ALDH3B1: variants seen among roughly 807,000 people sequenced by gnomAD.
ALDH3B1 encodes the protein aldehyde dehydrogenase 3 family member B1, also known as aldehyde dehydrogenase family 3 member B1.
A neutral mutation model predicts 46.2 loss-of-function variants in ALDH3B1; 37 were observed. The ratio of observed to expected loss-of-function variants is 0.80; its 90% CI spans 0.62 to 1.05. The LOEUF is 1.05. ALDH3B1 is among the 50% of genes least tolerant of loss of function. ALDH3B1 has a pLI of 0.00. For synonymous variants in ALDH3B1, 283 were observed against 281.0 expected, an observed-to-expected ratio of 1.01 and a Z score of -0.07; for missense variants, 603 against 665.5, an observed-to-expected ratio of 0.91 and a Z score of 1.03.
rs769273922 is a variant in ALDH3B1, at chr11:68,019,774, G to A, written c.540G>A (p.Arg180=). 1 of 1,614,142 alleles carries A rather than the reference G, an allele frequency of 6.2e-7. No individual in the cohort carries two copies. The highest frequency in any genetic ancestry group is 1.1e-5 in the South Asian group (1 of 91,086). Residue 180 remains arginine, a synonymous_variant, in exon 6 of 10, where the codon AGG becomes AGA. Coordinates refer to ENST00000342456, the MANE Select transcript of ALDH3B1 (RefSeq NM_000694.4). Reference sequence around the variant, plus strand: ...AGACGGGGCAGCTGCTAGAGCACAGGTTCGACTACATCTTCTTCACAGGTG... The same window carrying A: ...AGACGGGGCAGCTGCTAGAGCACAGATTCGACTACATCTTCTTCACAGGTG... ...PQETGQLLEH[R]FDYIFFTGSP... is the part of the protein sequence containing the mutation.
Position 68,021,489 on chromosome 11 carries a change from C to T in ALDH3B1, c.567C>T (p.Ser189=). 6.2e-7 allele frequency: 1 copy of T among 1,609,178 alleles called. No homozygotes were observed. Among genetic ancestry groups the T allele is most frequent in the Non-Finnish European group, 8.5e-7 (1 of 1,176,980 alleles). The change falls in exon 7 of 10, where the codon AGC becomes AGT. Residue 189 remains serine, a synonymous_variant. Transcript: ENST00000342456. The part of the protein sequence containing the change: ...HRFDYIFFTG[S]PRVGKIVMTA... Reference sequence around the variant, plus strand: ...CTGGTTTCCTTCCATGCCCAGGGAGCCCTCGTGTGGGCAAGATTGTTATGA... The same window carrying T: ...CTGGTTTCCTTCCATGCCCAGGGAGTCCTCGTGTGGGCAAGATTGTTATGA...
At chr11:68,023,613 T>C (rs1000890073) in intron 8 of ALDH3B1, among the ~76,000 whole-genome samples, 7 of 151,052 alleles carry the variant, frequency 4.6e-5, no homozygotes, top group African/African-American at 1.5e-4. Flanking sequence ...CCACTTGAAC[T>C]TTTTTTAAAT....
chr11:68,015,452 T>A lies in ALDH3B1; in HGVS notation c.155T>A (p.Leu52Gln). The A allele has an allele frequency of 6.4e-7, 1 of 1,566,534 alleles. No homozygotes were observed. The highest frequency in any genetic ancestry group is 1.4e-5 in the African/African-American group (1 of 73,978). ...CTGCACGACGCACTGGCCCAGGACCTGCACAAGGTGGGCTGGGGTTGGGGG... is the reference window on the plus strand; with the variant it reads ...CTGCACGACGCACTGGCCCAGGACCAGCACAAGGTGGGCTGGGGTTGGGGG... ...QLLHDALAQDLHKSAFESEVS... is the reference protein window; with the variant it reads ...QLLHDALAQDQHKSAFESEVS... Residue 52 changes from leucine (L) to glutamine (Q), a missense_variant, in exon 2 of 10, where the codon CTG becomes CAG. Transcript: ENST00000342456.
intron 8 of ALDH3B1, chr11:68,025,281 G>C (rs987573919): frequency 6.6e-6 from 1 of 152,186 alleles, no homozygotes; most frequent in Admixed American, 6.5e-5. Flanking sequence ...AGTGACGTCT[G>C]AATCCACTGG....
intron 8 of ALDH3B1, chr11:68,024,926 G>A (rs925328388): frequency 1.3e-5 from 2 of 152,282 alleles, no homozygotes; most frequent in East Asian, 1.9e-4. Context: ...AGCCTCTTGG[G>A]TTGTGACCAC....
chr11:68,010,323 A>G (rs543587865), upstream of ALDH3B1: 6 of 152,432 alleles, frequency 3.9e-5, no homozygotes, highest in East Asian at 1.2e-3. Context: ...TGCGTTGGAC[A>G]TTTCTTAACA....
intron 2 of ALDH3B1, 29 bp downstream of exon 2, chr11:68,015,488 T>C (rs1206362507): frequency 1.3e-6 from 2 of 1,563,014 alleles, no homozygotes; most frequent in Non-Finnish European, 8.7e-7. Flanking sequence ...TATGAGAGGG[T>C]GCACTGGGGC....
intron 7 of ALDH3B1, 64 bp from the exon 8 acceptor site, chr11:68,022,528 CTCT>C: frequency 6.9e-7 from 1 of 1,455,688 alleles, no homozygotes; most frequent in Non-Finnish European, 9.0e-7. Context: ...CTGTCCCCAC[CTCT>C]ACCCCCACCC....
chr11:68,025,636 A>C (rs772580473), intron 8 of ALDH3B1, among the ~76,000 whole-genome samples: 6 of 152,036 alleles, frequency 3.9e-5, no homozygotes, highest in Non-Finnish European at 8.8e-5. Flanking sequence ...TCCACTCAGC[A>C]GGCACATGAC....
At chr11:68,022,801 A>G in intron 8 of ALDH3B1, 40 bp downstream of exon 8, 1 of 1,611,240 alleles carries the variant, frequency 6.2e-7, no homozygotes, top group Non-Finnish European at 8.5e-7. Flanking sequence ...AGGAGCCCGC[A>G]GTGGGCAGCA....
At chr11:68,026,903 C>G (rs963868136) in intron 9 of ALDH3B1, among the ~76,000 whole-genome samples, 4 of 152,182 alleles carry the variant, frequency 2.6e-5, no homozygotes, top group Admixed American at 1.3e-4. Flanking sequence ...GCGGCTGCCC[C>G]CGACCCCACC....
chr11:68,028,688 A>C lies in ALDH3B1; in HGVS notation c.*749A>C, dbSNP rs943275411. 1 of 152,182 alleles carries C rather than the reference A, an allele frequency of 6.6e-6. No individual in the cohort carries two copies. The highest frequency in any genetic ancestry group is 2.4e-5 in the African/African-American group (1 of 41,292). 9.4% of individuals were successfully genotyped at this position (152,182 alleles called of 1,614,324 possible). Reference sequence around the variant, plus strand: ...GGAGGCTCTGCCTTAAAAAAAAAAAAAAAAAAAACCTCCTGGGACTGTTGC... The same window carrying C: ...GGAGGCTCTGCCTTAAAAAAAAAAACAAAAAAAACCTCCTGGGACTGTTGC... On this transcript the variant is annotated 3_prime_UTR_variant, in exon 10 of 10. Coordinates refer to ENST00000342456, the MANE Select transcript of ALDH3B1 (RefSeq NM_000694.4).
In ALDH3B1 at chr11:68,021,402, C is replaced by G; in HGVS notation, c.563-83C>G. 3 of 1,540,322 alleles carry G rather than the reference C, an allele frequency of 1.9e-6. No homozygotes were observed. The South Asian group carries it at 3.7e-5, about 19-fold the overall frequency. On this transcript the variant is annotated intron_variant, in intron 6 of 9. Coordinates refer to ENST00000342456, the MANE Select transcript of ALDH3B1 (RefSeq NM_000694.4). The stretch of plus-strand genomic sequence containing the variant: ...CTGCCCGCTGACTCCACCACCTCTC[C>G]AGGGAGGAGCGGGGCCGTGGGCTGG...
chr11:68,009,438 A>G (rs1047792764), upstream of ALDH3B1, among the ~76,000 whole-genome samples: 4 of 152,234 alleles, frequency 2.6e-5, no homozygotes. Flanking sequence ...CAGACACTGG[A>G]TTAAAGAAGG....
Position 68,013,239 on chromosome 11 carries a change from C to T in ALDH3B1, c.-1-2058C>T, listed in dbSNP as rs151188381. On this transcript the variant is annotated intron_variant, in intron 1 of 9. Transcript: ENST00000342456. ...GAGTGAGTGACCCGTAGGGGCAATG[C>T]CAGGGCTGGTTGCCCTGTGGGAGAG... Among the ~76,000 whole-genome samples, 644 of 152,262 alleles carry T rather than the reference C, an allele frequency of 4.2e-3. 6 individuals carry two copies. Among genetic ancestry groups the T allele is most frequent in the African/African-American group, 0.015 (620 of 41,560 alleles).
At chr11:68,026,241 A>G in intron 9 of ALDH3B1, 133 bp downstream of exon 9, 2 of 702,650 alleles carry the variant, frequency 2.8e-6, no homozygotes. Context: ...TCACCCCAGA[A>G]CCCGCATCCT....
chr11:68,011,351 G>T (rs545128992), intron 1 of ALDH3B1, among the ~76,000 whole-genome samples: 1 of 152,184 alleles, frequency 6.6e-6, no homozygotes, highest in African/African-American at 2.4e-5. Flanking sequence ...TAAGGCAGAG[G>T]GGACCTGATG....
chr11:68,027,866 C>G lies in ALDH3B1; in HGVS notation c.1334C>G (p.Pro445Arg). 1.9e-6 allele frequency: 3 copies of G among 1,561,566 alleles called. No homozygotes were observed. The highest frequency in any genetic ancestry group is 2.6e-6 in the Non-Finnish European group (3 of 1,154,244). ...AAGCTCAACGCCCTCCGCTACCCGC[C>G]GCAATCGCCGCGCCGCCTGAGGATG... is the stretch of plus-strand genomic sequence containing the variant. The part of the protein sequence containing the change: ...MEKLNALRYP[P>R]QSPRRLRMLL... Residue 445 changes from proline to arginine, a missense_variant, in exon 10 of 10, where the codon CCG becomes CGG. By Grantham distance (103) the Pro-to-Arg change is moderately radical. Transcript: ENST00000342456.
chr11:68,015,296 G>T lies in ALDH3B1; in HGVS notation c.-1-1G>T. On this transcript the variant is annotated splice_acceptor_variant, in intron 1 of 9. Transcript: ENST00000342456. LOFTEE classifies it low-confidence loss of function (5UTR_SPLICE). ...CCAGTTCATGCCACCCCATCTGGCA[G>T]GATGGACCCCCTTGGGGACACGCTG... 1.4e-6 allele frequency: 2 copies of T among 1,476,608 alleles called. No homozygotes were observed. Among genetic ancestry groups the T allele is most frequent in the Non-Finnish European group, 1.8e-6 (2 of 1,108,106 alleles). 91.5% of individuals were successfully genotyped at this position (1,476,608 alleles called of 1,614,324 possible).
Sources: allele counts gnomAD v4.1 joint callset (sites outside exome capture counted in the v4.1 genomes callset), GRCh38; gene constraint gnomAD v4.1.1; transcripts MANE v1.5; gene names NCBI Gene and HGNC (gene_info 2026-07-23, HGNC 2026-07-21).